KSR2: variants seen among roughly 807,000 people sequenced by gnomAD.
The protein encoded by KSR2 is kinase suppressor of ras 2.
KSR2 carries 25 observed loss-of-function variants against 107.8 expected under a neutral mutation model. The observed-to-expected ratio is 0.23, with a 90% CI of 0.17 to 0.32. The LOEUF (loss-of-function observed/expected upper bound fraction) is 0.32, where lower values mean the gene tolerates loss of function less well. Ranked by LOEUF, KSR2 falls within the 10% of genes least tolerant of loss-of-function variation. The pLI is 1.00. For missense variants in KSR2, 887 were observed against 1,268.9 expected, an observed-to-expected ratio of 0.70 and a Z score of 4.57; for synonymous variants, 480 against 507.0, an observed-to-expected ratio of 0.95 and a Z score of 0.71.
intron 4 of KSR2, among the ~76,000 whole-genome samples, chr12:117,689,662 T>C (rs552029492): frequency 2.9e-4 from 44 of 152,272 alleles, no homozygotes; most frequent in Non-Finnish European, 5.6e-4. Context: ...TACATTGATT[T>C]ATGAAGAAAA....
intron 1 of KSR2, among the ~76,000 whole-genome samples, chr12:117,959,461 C>T (rs1239749173): frequency 5.3e-5 from 8 of 152,176 alleles, no homozygotes; most frequent in Non-Finnish European, 7.3e-5. Context: ...GCCCCATCCA[C>T]CCCACAACAA....
At chr12:117,731,405 CGGGA>C (rs1336005501) in intron 4 of KSR2, among the ~76,000 whole-genome samples, 5 of 148,648 alleles carry the variant, frequency 3.4e-5, no homozygotes, top group Non-Finnish European at 1.5e-5. Context: ...CCGCCCCGTC[CGGGA>C]GGGAGGTGGG....
At chr12:117,704,908 T>A (rs1886461776) in intron 4 of KSR2, among the ~76,000 whole-genome samples, 1 of 151,978 alleles carries the variant, frequency 6.6e-6, no homozygotes, top group Admixed American at 6.6e-5. Flanking sequence ...ATGAGATTAT[T>A]TTAATTAGGA....
At chr12:117,555,062 G>A (rs916756510) in intron 9 of KSR2, 107 bp downstream of exon 9, 56 of 1,359,826 alleles carry the variant, frequency 4.1e-5, no homozygotes, top group African/African-American at 3.2e-4. Flanking sequence ...GAGCCGAGAC[G>A]GGCTAGGAGG....
At position 117,907,655 on chromosome 12, in the gene KSR2, C is replaced by G. The variant is rs898266791; in HGVS notation, c.181-47224G>C. On this transcript the variant is annotated intron_variant, in intron 1 of 19. Coordinates refer to ENST00000339824, the MANE Select transcript of KSR2 (RefSeq NM_173598.6). This position sits in a 1 kb window ranked among gnomAD's most constrained non-coding sequence, Gnocchi z 4.3. ...AGGAAACCAACCACCTGTAAGAGTA[C>G]AAGGCTAAAGTGAGTTAACCTTACA... Among the ~76,000 whole-genome samples, 4 of 152,090 alleles carry G rather than the reference C, an allele frequency of 2.6e-5. No homozygotes were observed. Among genetic ancestry groups the G allele is most frequent in the Non-Finnish European group, 5.9e-5 (4 of 68,020 alleles).
chr12:117,536,815 C>G (rs1484114744), intron 10 of KSR2, among the ~76,000 whole-genome samples: 1 of 152,230 alleles, frequency 6.6e-6, no homozygotes, highest in Non-Finnish European at 1.5e-5. Context: ...TCAGTTTTCA[C>G]TGTTACAGTG....
At chr12:117,860,484 G>C (rs917974279) in intron 1 of KSR2, 53 bp from the exon 2 acceptor site, 1 of 1,533,238 alleles carries the variant, frequency 6.5e-7, no homozygotes, top group Non-Finnish European at 8.8e-7. Context: ...AGTGACACAA[G>C]GAAGAGAGGC....
chr12:117,533,332 C>T (rs1311571651), intron 10 of KSR2, among the ~76,000 whole-genome samples: 1 of 152,246 alleles, frequency 6.6e-6, no homozygotes, highest in Non-Finnish European at 1.5e-5. Flanking sequence ...CTCAGGACCT[C>T]AAACTCCTGG....
intron 3 of KSR2, among the ~76,000 whole-genome samples, chr12:117,845,499 C>T (rs1179655550): frequency 1.3e-5 from 2 of 152,082 alleles, no homozygotes. Context: ...CTTGGTTAAG[C>T]GATAGACCCC....
At chr12:117,863,159 G>A (rs918500061) in intron 1 of KSR2, among the ~76,000 whole-genome samples, 2 of 152,096 alleles carry the variant, frequency 1.3e-5, no homozygotes, top group East Asian at 1.9e-4. Flanking sequence ...TGCAGGATGC[G>A]CATGTGACCC....
intron 3 of KSR2, among the ~76,000 whole-genome samples, chr12:117,769,094 G>C (rs367878051): frequency 6.6e-6 from 1 of 152,178 alleles, no homozygotes; most frequent in East Asian, 1.9e-4. Flanking sequence ...ACACCCAAGA[G>C]CAGATTCTGG....
intron 5 of KSR2, among the ~76,000 whole-genome samples, chr12:117,584,174 C>T (rs544922078): frequency 2.0e-5 from 3 of 152,164 alleles, no homozygotes; most frequent in South Asian, 2.1e-4. Flanking sequence ...AATTATAGCC[C>T]GTGGGATTCC....
intron 10 of KSR2, 75 bp from the exon 11 acceptor site, chr12:117,531,782 C>A (rs1398682908): frequency 1.3e-5 from 14 of 1,074,126 alleles, no homozygotes; most frequent in Non-Finnish European, 1.9e-5. Context: ...TGAGCTCTTA[C>A]AGCCACCACA....
intron 4 of KSR2, among the ~76,000 whole-genome samples, chr12:117,668,099 G>C (rs1428347705): frequency 6.6e-6 from 1 of 152,208 alleles, no homozygotes; most frequent in East Asian, 1.9e-4. Context: ...TCTGTGTCAA[G>C]GTGGCATTCA....
In KSR2 at chr12:117,529,687, A is replaced by G. The variant is rs924918268; in HGVS notation, c.1802+1254T>C. ...ATGGTTAAGAAAATTATTCTACATC[A>G]ATATGTCATTTTACACCCATTAAAA... On this transcript the variant is annotated intron_variant, in intron 12 of 19. Transcript: ENST00000339824. Among the ~76,000 whole-genome samples the G allele has an allele frequency of 2.0e-5, 3 of 152,014 alleles. No homozygotes were observed. In the South Asian group the frequency reaches 6.2e-4, roughly 32 times the overall value.
At chr12:117,669,944 G>A (rs745708109) in intron 4 of KSR2, among the ~76,000 whole-genome samples, 102 of 116,148 alleles carry the variant, frequency 8.8e-4, no homozygotes, top group Non-Finnish European at 1.5e-3. Context: ...TTCACAGTCT[G>A]TTGCTGAAAT....
intron 14 of KSR2, among the ~76,000 whole-genome samples, chr12:117,507,665 T>C (rs1255365408): frequency 6.6e-6 from 1 of 152,150 alleles, no homozygotes; most frequent in Non-Finnish European, 1.5e-5. Flanking sequence ...CTTATTCTGA[T>C]TGGTTTTCTT....
intron 5 of KSR2, among the ~76,000 whole-genome samples, chr12:117,607,603 T>C (rs538582028): frequency 4.0e-4 from 57 of 144,188 alleles, no homozygotes; most frequent in Middle Eastern, 7.0e-3. Context: ...CTATCTGAGC[T>C]CATGCTCCAC....
intron 9 of KSR2, among the ~76,000 whole-genome samples, chr12:117,550,045 T>C (rs1295445410): frequency 6.6e-6 from 1 of 152,190 alleles, no homozygotes; most frequent in East Asian, 1.9e-4. Flanking sequence ...CTTATTAAAC[T>C]CTACCAGTTC....
Sources: gnomAD v4.1 joint callset for allele counts (sites outside exome capture counted in the v4.1 genomes callset) on GRCh38, gnomAD v4.1.1 for gene constraint, Gnocchi (gnomAD v3.1) non-coding constraint, MANE v1.5 for transcripts, NCBI Gene and HGNC (gene_info 2026-07-23, HGNC 2026-07-21) for gene names.